The following RALGPS1 variants were observed in gnomAD, a reference collection of about 807,000 sequenced individuals.
The protein encoded by RALGPS1 is Ral GEF with PH domain and SH3 binding motif 1.
Under a neutral mutation model 78.8 loss-of-function variants are expected in RALGPS1, and 19 were observed. The observed-to-expected ratio is 0.24, with a 90% CI of 0.17 to 0.35. RALGPS1 has a LOEUF of 0.35. Ranked by LOEUF, RALGPS1 falls within the 10% of genes least tolerant of loss-of-function variation. RALGPS1 has a pLI of 1.00. For missense variants in RALGPS1, 454 were observed against 688.3 expected, an observed-to-expected ratio of 0.66 and a Z score of 3.81; for synonymous variants, 228 against 256.3, an observed-to-expected ratio of 0.89 and a Z score of 1.06.
At chr9:127,152,655 G>A (rs1322035115) in intron 8 of RALGPS1, among the ~76,000 whole-genome samples, 2 of 152,154 alleles carry the variant, frequency 1.3e-5, no homozygotes, top group Admixed American at 6.6e-5. Flanking sequence ...CTGCCCTATA[G>A]TATATTAAAT....
intron 18 of RALGPS1, chr9:127,216,966 G>A: frequency 3.2e-6 from 5 of 1,546,210 alleles, no homozygotes; most frequent in Non-Finnish European, 4.4e-6. Context: ...CCACCTGGAG[G>A]GCGGTGCGGG....
intron 12 of RALGPS1, among the ~76,000 whole-genome samples, chr9:127,196,214 G>A (rs1322747385): frequency 6.6e-6 from 1 of 152,198 alleles, no homozygotes; most frequent in Non-Finnish European, 1.5e-5. Context: ...CTGCTCACTC[G>A]AGCCTCATAG....
At chr9:127,165,230 C>A (rs2059233619) in intron 8 of RALGPS1, among the ~76,000 whole-genome samples, 1 of 152,244 alleles carries the variant, frequency 6.6e-6, no homozygotes, top group Non-Finnish European at 1.5e-5. Context: ...TGGAGGGCAG[C>A]TGAAAGGACG....
intron 8 of RALGPS1, chr9:127,089,105 C>G: frequency 6.2e-7 from 1 of 1,614,204 alleles, no homozygotes. Flanking sequence ...GGCGTTATAC[C>G]ACCAGCCTCC....
intron 5 of RALGPS1, among the ~76,000 whole-genome samples, chr9:127,046,826 G>A (rs1357372173): frequency 6.6e-6 from 1 of 152,064 alleles, no homozygotes. Context: ...AAGGACCTGT[G>A]CAGGCAGTTC....
At chr9:126,959,660 A>G (rs2038692543) in intron 1 of RALGPS1, among the ~76,000 whole-genome samples, 1 of 151,848 alleles carries the variant, frequency 6.6e-6, no homozygotes, top group Admixed American at 6.6e-5. Context: ...GACTGGTACA[A>G]TGAACTCCTC....
Position 126,952,658 on chromosome 9 carries a change from T to A in RALGPS1, c.-65-9567T>A, listed in dbSNP as rs9408978. ...GAGAGAGAGAGAGAGAGAGAGAGAG[T>A]GTGTGTGTGTGTGTGTGTGTGTCTG... On this transcript the variant is annotated intron_variant, in intron 1 of 18. Transcript: ENST00000259351. Among the ~76,000 whole-genome samples, 875 of 116,254 alleles carry A rather than the reference T, an allele frequency of 7.5e-3. 4 individuals are homozygous for A. Among genetic ancestry groups the A allele is most frequent in the African/African-American group, 0.014 (451 of 32,298 alleles). The allele number at this position is 116,254 out of a possible 152,430, so 76.3% of individuals were successfully genotyped here.
intron 4 of RALGPS1, among the ~76,000 whole-genome samples, chr9:127,011,547 T>G (rs2044347367): frequency 6.6e-6 from 1 of 152,178 alleles, no homozygotes; most frequent in Non-Finnish European, 1.5e-5. Context: ...ATTAGACAAA[T>G]TATATGTCTA....
chr9:126,954,643 C>T (rs866240688), intron 1 of RALGPS1, among the ~76,000 whole-genome samples: 5 of 152,034 alleles, frequency 3.3e-5, no homozygotes, highest in South Asian at 2.1e-4. Context: ...AAAAATTAGC[C>T]GGGCATGGTA....
chr9:126,997,049 A>T (rs907985300), intron 4 of RALGPS1, among the ~76,000 whole-genome samples: 4 of 152,218 alleles, frequency 2.6e-5, no homozygotes, highest in Non-Finnish European at 5.9e-5. Flanking sequence ...AATAAGAGCT[A>T]TCTATGACAA....
rs1028338984 is a variant in RALGPS1, at chr9:127,205,838, A to C, written c.1248-6293A>C. Reference sequence around the variant, plus strand: ...TTTCAGCCTCTCAGATCTGGTTCCTAATCACCAGGAGAGAAGATCTGGCAT... The same window carrying C: ...TTTCAGCCTCTCAGATCTGGTTCCTCATCACCAGGAGAGAAGATCTGGCAT... On this transcript the variant is annotated intron_variant, in intron 14 of 18. Coordinates refer to ENST00000259351, the MANE Select transcript of RALGPS1 (RefSeq NM_014636.3). The surrounding 1 kb of genome is among the most constrained non-coding windows in gnomAD (Gnocchi z 4.0). Among the ~76,000 whole-genome samples, 29 of 152,154 alleles carry C rather than the reference A, an allele frequency of 1.9e-4. No homozygotes were observed. The highest frequency in any genetic ancestry group is 7.0e-4 in the African/African-American group (29 of 41,420).
intron 3 of RALGPS1, among the ~76,000 whole-genome samples, chr9:126,970,960 A>C (rs540628914): frequency 6.6e-6 from 1 of 152,360 alleles, no homozygotes; most frequent in South Asian, 2.1e-4. Flanking sequence ...CATAAATCAG[A>C]AATACAAAAA....
chr9:127,132,446 G>A lies in RALGPS1; in HGVS notation c.611-33623G>A, dbSNP rs566827506. ...CTCAGACTAGGTATACTTCTGCTTC[G>A]CCTTGGAATTTTAGGTTCATTGACA... On this transcript the variant is annotated intron_variant, in intron 8 of 18. Transcript: ENST00000259351. Among the ~76,000 whole-genome samples the A allele has an allele frequency of 2.6e-5, 4 of 152,272 alleles. No homozygotes were observed. The East Asian group carries it at 7.7e-4, about 29-fold the overall frequency.
chr9:127,218,808 G>A lies in RALGPS1; in HGVS notation c.*39G>A. On this transcript the variant is annotated 3_prime_UTR_variant, in exon 19 of 19. Transcript: ENST00000259351. The surrounding 1 kb of genome is among the most constrained non-coding windows in gnomAD (Gnocchi z 4.4). The stretch of plus-strand genomic sequence containing the variant: ...GTGGCATGACTTCAGAGGCTTCTGG[G>A]AACCCAGGCTGGGCCTGGTGGTGAA... The A allele has an allele frequency of 6.2e-7, 1 of 1,607,586 alleles. No homozygotes were observed.
intron 18 of RALGPS1, among the ~76,000 whole-genome samples, chr9:127,216,694 G>A (rs567487659): frequency 6.6e-5 from 10 of 152,344 alleles, no homozygotes; most frequent in African/African-American, 2.4e-4. Flanking sequence ...AGGAAGACAA[G>A]GGTTTTGGTC....
rs540405335 is a variant in RALGPS1, at chr9:127,175,101, G to C, written c.910+319G>C. Among the ~76,000 whole-genome samples, 3 of 152,318 alleles carry C rather than the reference G, an allele frequency of 2.0e-5. No homozygotes were observed. The South Asian group carries it at 6.2e-4, about 32-fold the overall frequency. On this transcript the variant is annotated intron_variant, in intron 11 of 18. Coordinates refer to ENST00000259351, the MANE Select transcript of RALGPS1 (RefSeq NM_014636.3). ...GAGAAAGCCCCAGCATCTTCTCCAGGCTCTCCAGACCCTTAGCGGGGCTGC... is the reference window on the plus strand; with the variant it reads ...GAGAAAGCCCCAGCATCTTCTCCAGCCTCTCCAGACCCTTAGCGGGGCTGC...
At chr9:127,005,622 A>G (rs1164789120) in intron 4 of RALGPS1, among the ~76,000 whole-genome samples, 1 of 152,104 alleles carries the variant, frequency 6.6e-6, no homozygotes, top group Non-Finnish European at 1.5e-5. Flanking sequence ...ACTACACAGG[A>G]GTTCACTGGC....
At chr9:127,198,991 C>T (rs2061480941) in intron 13 of RALGPS1, 24 bp from the exon 14 acceptor site, 15 of 1,611,100 alleles carry the variant, frequency 9.3e-6, no homozygotes, top group Non-Finnish European at 1.3e-5. Context: ...CCGTTGTGCT[C>T]ATTGACCTGT....
At chr9:127,052,545 C>G (rs899034235) in intron 6 of RALGPS1, among the ~76,000 whole-genome samples, 1 of 152,156 alleles carries the variant, frequency 6.6e-6, no homozygotes, top group Non-Finnish European at 1.5e-5. Context: ...TTTACAAAAG[C>G]CTGCTGGGAC....
Sources: allele counts gnomAD v4.1 joint callset (sites outside exome capture counted in the v4.1 genomes callset), GRCh38; gene constraint gnomAD v4.1.1; non-coding constraint Gnocchi (gnomAD v3.1); transcripts MANE v1.5; gene names NCBI Gene and HGNC (gene_info 2026-07-23, HGNC 2026-07-21).